SEC63: variants seen among roughly 807,000 people sequenced by gnomAD.
SEC63 encodes SEC63 protein translocation regulator.
Under a neutral mutation model 116.2 loss-of-function variants are expected in SEC63, and 56 were observed. That is an observed-to-expected ratio of 0.48 (90% CI 0.39 to 0.60). SEC63 has a LOEUF of 0.60. SEC63 is among the 20% of genes least tolerant of loss of function. SEC63 has a pLI of 0.00. For missense variants in SEC63, 668 were observed against 900.0 expected (o/e 0.74, Z 3.30); for synonymous variants, 273 against 294.6 (o/e 0.93, Z 0.75).
chr6:107,915,506 G>A (rs1001573542), intron 4 of SEC63, among the ~76,000 whole-genome samples: 4 of 151,952 alleles, frequency 2.6e-5, no homozygotes, highest in Admixed American at 1.3e-4. Context: ...TGACAACAAC[G>A]CTGCCCACTT....
At chr6:107,929,626 T>A (rs577340677) in intron 1 of SEC63, 112 bp from the exon 2 acceptor site, 6 of 673,676 alleles carry the variant, frequency 8.9e-6, no homozygotes, top group Non-Finnish European at 1.6e-5. Context: ...TAATGGAACA[T>A]GAAATTACTG....
intron 4 of SEC63, among the ~76,000 whole-genome samples, chr6:107,917,514 C>T (rs1038822611): frequency 6.6e-6 from 1 of 152,174 alleles, no homozygotes; most frequent in African/African-American, 2.4e-5. Context: ...AATGACTAAG[C>T]TTAGTGAAGA....
intron 1 of SEC63, among the ~76,000 whole-genome samples, chr6:107,939,770 A>T (rs1000050545): frequency 1.7e-4 from 26 of 151,698 alleles, no homozygotes; most frequent in East Asian, 9.6e-4. Flanking sequence ...AAATAATTTA[A>T]AAAAAAAAAT....
At chr6:107,936,935 T>C (rs1770260991) in intron 1 of SEC63, among the ~76,000 whole-genome samples, 1 of 152,220 alleles carries the variant, frequency 6.6e-6, no homozygotes. Flanking sequence ...GTGTCAATTG[T>C]TGCCATCACT....
rs1770756856 is a variant in SEC63 at position 107,958,171 on chromosome 6, T to TCTGCCG, written c.-168_-163dup. ...CTCTCACGGACACGCCGCCGCCACC[T>TCTGCCG]CTGCCGCTGCCGCCGCCGTCGCCAG... On this transcript the variant is annotated 5_prime_UTR_variant, in exon 1 of 21. Transcript: ENST00000369002. 9 of 1,109,744 alleles carry TCTGCCG rather than the reference T, an allele frequency of 8.1e-6. No homozygotes were observed. The highest frequency in any genetic ancestry group is 1.2e-5 in the Non-Finnish European group (9 of 774,820). 68.7% of individuals were successfully genotyped at this position (1,109,744 alleles called of 1,614,324 possible).
intron 19 of SEC63, among the ~76,000 whole-genome samples, chr6:107,875,600 T>C (rs369525058): frequency 1.3e-5 from 2 of 152,050 alleles, no homozygotes; most frequent in Admixed American, 6.6e-5. Flanking sequence ...TCCCAGCTAT[T>C]TGGGAGGCTG....
At chr6:107,930,814 G>A (rs1180648012) in intron 1 of SEC63, among the ~76,000 whole-genome samples, 3 of 150,594 alleles carry the variant, frequency 2.0e-5, no homozygotes, top group Non-Finnish European at 4.4e-5. Flanking sequence ...GGCCAACATG[G>A]CAAAACCCCA....
At chr6:107,947,579 A>C (rs916137231) in intron 1 of SEC63, among the ~76,000 whole-genome samples, 6 of 152,128 alleles carry the variant, frequency 3.9e-5, no homozygotes, top group African/African-American at 1.2e-4. Context: ...TCTCAAAAAA[A>C]AATTCATCCC....
chr6:107,951,984 A>G (rs933548066), intron 1 of SEC63, among the ~76,000 whole-genome samples: 1 of 151,602 alleles, frequency 6.6e-6, no homozygotes, highest in Non-Finnish European at 1.5e-5. Flanking sequence ...AAAAAAAAAA[A>G]AAAAAGTTCC....
intron 16 of SEC63, among the ~76,000 whole-genome samples, chr6:107,889,009 T>G (rs1010069819): frequency 6.6e-6 from 1 of 152,206 alleles, no homozygotes; most frequent in African/African-American, 2.4e-5. Context: ...TTATTGAGGA[T>G]TTTTGCATCA....
At chr6:107,935,057 C>A (rs1176218442) in intron 1 of SEC63, among the ~76,000 whole-genome samples, 3 of 138,488 alleles carry the variant, frequency 2.2e-5, no homozygotes, top group Non-Finnish European at 4.7e-5. Flanking sequence ...TCTGCCCAGC[C>A]GCCCCTACTG....
Position 107,905,447 on chromosome 6 carries a change from G to A in SEC63, c.962-726C>T, listed in dbSNP as rs1039942345. Among the ~76,000 whole-genome samples the A allele has an allele frequency of 2.6e-5, 4 of 152,284 alleles. No individual in the cohort carries two copies. The East Asian group carries it at 7.7e-4, about 29-fold the overall frequency. ...ACTGCCTTAAAGGAGGTGGGGGATG[G>A]TAGGATATCATTCAAAAAGAACATT... is the stretch of plus-strand genomic sequence containing the variant. On this transcript the variant is annotated intron_variant, in intron 10 of 20. Coordinates refer to ENST00000369002, the MANE Select transcript of SEC63 (RefSeq NM_007214.5).
chr6:107,936,331 T>C (rs1048470790), intron 1 of SEC63, among the ~76,000 whole-genome samples: 2 of 152,352 alleles, frequency 1.3e-5, no homozygotes, highest in Non-Finnish European at 2.9e-5. Flanking sequence ...AGCAGTTAGA[T>C]TTCCAGCAAA....
At chr6:107,901,200 G>A (rs1786991976) in intron 13 of SEC63, among the ~76,000 whole-genome samples, 170 bp downstream of exon 13, 1 of 152,098 alleles carries the variant, frequency 6.6e-6, no homozygotes, top group Admixed American at 6.5e-5. Context: ...CAAACTATTA[G>A]GTATAAATCA....
At chr6:107,901,029 T>C (rs1786988274) in intron 13 of SEC63, among the ~76,000 whole-genome samples, 1 of 152,220 alleles carries the variant, frequency 6.6e-6, no homozygotes, top group Non-Finnish European at 1.5e-5. Context: ...ATTTCTTTCA[T>C]ACTAATAATA....
intron 1 of SEC63, among the ~76,000 whole-genome samples, chr6:107,939,798 C>G (rs1477568283): frequency 6.6e-6 from 1 of 151,988 alleles, no homozygotes; most frequent in Non-Finnish European, 1.5e-5. Context: ...AACAATCTTT[C>G]CTTTAACCGT....
chr6:107,902,722 T>C (rs1332502499), intron 12 of SEC63, 122 bp downstream of exon 12: 12 of 913,618 alleles, frequency 1.3e-5, no homozygotes, highest in Non-Finnish European at 1.8e-5. Context: ...AGTTTTAGAG[T>C]ATTTAAGACA....
Position 107,876,693 on chromosome 6 carries a change from GA to G in SEC63, c.1936-32del, listed in dbSNP as rs1335008933. The G allele has an allele frequency of 3.3e-6, 3 of 896,022 alleles. No homozygotes were observed. The South Asian group carries it at 4.6e-5, about 14-fold the overall frequency. 55.5% of individuals were successfully genotyped at this position (896,022 alleles called of 1,614,324 possible). On this transcript the variant is annotated intron_variant, in intron 18 of 20. Transcript: ENST00000369002. ...AACAAAAAAAAAAAAAAAAAAAGAA[GA>G]GGGGTATAAATAATCAGAAAGAACT...
At chr6:107,934,107 A>C (rs1038403394) in intron 1 of SEC63, among the ~76,000 whole-genome samples, 5 of 152,102 alleles carry the variant, frequency 3.3e-5, no homozygotes, top group African/African-American at 1.2e-4. Context: ...TTGGCCTCCC[A>C]AAGTGCCGAG....
Sources: allele counts gnomAD v4.1 joint callset (sites outside exome capture counted in the v4.1 genomes callset), GRCh38; gene constraint gnomAD v4.1.1; transcripts MANE v1.5; gene names NCBI Gene and HGNC (gene_info 2026-07-23, HGNC 2026-07-21).